The following ZDHHC2 variants were observed in gnomAD, a reference collection of about 807,000 sequenced individuals.
ZDHHC2 encodes palmitoyltransferase ZDHHC2.
A neutral mutation model predicts 55.6 loss-of-function variants in ZDHHC2; 51 were observed. That is an observed-to-expected ratio of 0.92 (90% CI 0.73 to 1.16). The LOEUF (loss-of-function observed/expected upper bound fraction) is 1.16. ZDHHC2 is among the 50% of genes most tolerant of loss of function. The probability of loss-of-function intolerance (pLI) is 0.00; values close to 1 mark genes in which losing one functional copy is unlikely to be tolerated. For synonymous variants in ZDHHC2, 199 were observed against 152.9 expected, an observed-to-expected ratio of 1.30 and a Z score of -2.22; for missense variants, 491 against 442.4, an observed-to-expected ratio of 1.11 and a Z score of -0.99.
At chr8:17,192,643 C>G (rs1426810203) in intron 3 of ZDHHC2, among the ~76,000 whole-genome samples, 1 of 152,154 alleles carries the variant, frequency 6.6e-6, no homozygotes, top group Admixed American at 6.5e-5. Context: ...TCCCATTTGT[C>G]CACTTTTGCT....
intron 9 of ZDHHC2, 42 bp downstream of exon 9, chr8:17,210,100 A>T (rs1240236166): frequency 6.4e-7 from 1 of 1,553,532 alleles, no homozygotes; most frequent in East Asian, 2.3e-5. Flanking sequence ...ACTAATGAAA[A>T]TAATACAGCA....
At chr8:17,210,306 C>T (rs1807312339) in intron 9 of ZDHHC2, 82 bp from the exon 10 acceptor site, 3 of 1,385,066 alleles carry the variant, frequency 2.2e-6, no homozygotes, top group Middle Eastern at 1.8e-4. Flanking sequence ...GCATGTTCTG[C>T]TCTCGGACAT....
At chr8:17,184,162 G>A (rs1480563078) in intron 1 of ZDHHC2, among the ~76,000 whole-genome samples, 8 of 150,544 alleles carry the variant, frequency 5.3e-5, no homozygotes, top group Non-Finnish European at 1.2e-4. Flanking sequence ...ACTTCTTGCC[G>A]CAGCTTGCTT....
chr8:17,209,548 T>G (rs1244811512), intron 8 of ZDHHC2, among the ~76,000 whole-genome samples: 1 of 152,166 alleles, frequency 6.6e-6, no homozygotes, highest in Non-Finnish European at 1.5e-5. Flanking sequence ...AAAGATAGTC[T>G]GATTGTGGTT....
At chr8:17,204,004 C>T (rs551904228) in intron 6 of ZDHHC2, among the ~76,000 whole-genome samples, 3 of 151,942 alleles carry the variant, frequency 2.0e-5, no homozygotes, top group Non-Finnish European at 4.4e-5. Flanking sequence ...GACAGGGTTT[C>T]ACCATGTTGG....
chr8:17,187,776 A>G (rs1316439046), intron 3 of ZDHHC2, among the ~76,000 whole-genome samples: 1 of 152,162 alleles, frequency 6.6e-6, no homozygotes, highest in Non-Finnish European at 1.5e-5. Context: ...CTGTTTTGAT[A>G]ACTCCCAAAT....
intron 9 of ZDHHC2, 140 bp from the exon 10 acceptor site, chr8:17,210,248 C>T: frequency 9.6e-7 from 1 of 1,038,026 alleles, no homozygotes; most frequent in Non-Finnish European, 1.4e-6. Context: ...TTCCTGAACA[C>T]TATGTTGAGC....
At chr8:17,199,286 T>C (rs1244050792) in intron 6 of ZDHHC2, among the ~76,000 whole-genome samples, 4 of 152,220 alleles carry the variant, frequency 2.6e-5, no homozygotes, top group African/African-American at 9.6e-5. Flanking sequence ...TTTTCTCCTT[T>C]AAAGCGTTCA....
Position 17,192,365 on chromosome 8 carries a change from A to G in ZDHHC2, c.253-3139A>G, listed in dbSNP as rs538886718. Among the ~76,000 whole-genome samples, 17 of 152,298 alleles carry G rather than the reference A, an allele frequency of 1.1e-4. No individual in the cohort carries two copies. The South Asian group carries it at 3.5e-3, about 32-fold the overall frequency. Reference sequence around the variant, plus strand: ...TGTAGTTTTGATTTGCATTTCTCTGATGACCATGGATGTTGAGCACATCTT... The same window carrying G: ...TGTAGTTTTGATTTGCATTTCTCTGGTGACCATGGATGTTGAGCACATCTT... On this transcript the variant is annotated intron_variant, in intron 3 of 12. Transcript: ENST00000262096.
intron 1 of ZDHHC2, among the ~76,000 whole-genome samples, chr8:17,183,216 A>C (rs1158256524): frequency 1.3e-5 from 2 of 152,222 alleles, no homozygotes; most frequent in African/African-American, 4.8e-5. Context: ...AATGGAGTCA[A>C]ATTGCTTTTC....
At chr8:17,213,582 A>G (rs1431715757) in intron 10 of ZDHHC2, among the ~76,000 whole-genome samples, 14 of 152,082 alleles carry the variant, frequency 9.2e-5, no homozygotes. Context: ...AGCTCTTATT[A>G]TCACCTGACT....
At chr8:17,204,810 G>A (rs1807015104) in intron 6 of ZDHHC2, among the ~76,000 whole-genome samples, 1 of 151,800 alleles carries the variant, frequency 6.6e-6, no homozygotes, top group African/African-American at 2.4e-5. Context: ...AAAAATTAAA[G>A]TAAAATAAAA....
chr8:17,197,795 C>T (rs1383190839), intron 5 of ZDHHC2, 144 bp downstream of exon 5: 9 of 860,964 alleles, frequency 1.0e-5, no homozygotes, highest in African/African-American at 3.4e-5. Context: ...TGGTATAACC[C>T]GCTGGCATTC....
At chr8:17,161,667 G>C (rs1262153855) in intron 1 of ZDHHC2, among the ~76,000 whole-genome samples, 1 of 152,094 alleles carries the variant, frequency 6.6e-6, no homozygotes, top group African/African-American at 2.4e-5. Flanking sequence ...AGACCAGCCT[G>C]GCCAACATAG....
At chr8:17,163,145 T>C (rs1191688936) in intron 1 of ZDHHC2, among the ~76,000 whole-genome samples, 6 of 152,104 alleles carry the variant, frequency 3.9e-5, no homozygotes, top group Non-Finnish European at 7.3e-5. Flanking sequence ...AGCTTAGAAA[T>C]GGACAGAAAC....
chr8:17,218,381 T>C (rs1023799072), intron 12 of ZDHHC2, among the ~76,000 whole-genome samples: 18 of 152,270 alleles, frequency 1.2e-4, no homozygotes, highest in African/African-American at 4.3e-4. Context: ...CTGTAAGACA[T>C]AGAATTTCAC....
intron 1 of ZDHHC2, among the ~76,000 whole-genome samples, chr8:17,176,039 C>G (rs114326996): frequency 1.3e-5 from 2 of 152,148 alleles, no homozygotes; most frequent in African/African-American, 4.8e-5. Context: ...TGCTTGACCA[C>G]TGAGGCTGAA....
At chr8:17,165,662 G>A (rs1049776961) in intron 1 of ZDHHC2, among the ~76,000 whole-genome samples, 1 of 152,112 alleles carries the variant, frequency 6.6e-6, no homozygotes, top group South Asian at 2.1e-4. Context: ...TCTAATTGGG[G>A]GAAGGAAAAT....
In ZDHHC2 at chr8:17,222,178, A is replaced by G. The variant is rs1283032388; in HGVS notation, c.*1957A>G. On this transcript the variant is annotated 3_prime_UTR_variant, in exon 13 of 13. Transcript: ENST00000262096. The stretch of plus-strand genomic sequence containing the variant: ...TAAATATATGTCAATACACATTAGA[A>G]TCAGATTTGAAAAAGTTAAAACAAT... 1.3e-5 allele frequency: 2 copies of G among 151,728 alleles called. No individual in the cohort carries two copies. Among genetic ancestry groups the G allele is most frequent in the African/African-American group, 4.8e-5 (2 of 41,378 alleles). 9.4% of individuals were successfully genotyped at this position (151,728 alleles called of 1,614,324 possible).
Sources: gnomAD v4.1 joint callset for allele counts (sites outside exome capture counted in the v4.1 genomes callset) on GRCh38, gnomAD v4.1.1 for gene constraint, MANE v1.5 for transcripts, NCBI Gene and HGNC (gene_info 2026-07-23, HGNC 2026-07-21) for gene names.